C3orf70: variants seen among roughly 807,000 people sequenced by gnomAD.
C3orf70 encodes chromosome 3 open reading frame 70, also known as UPF0524 protein C3orf70.
Under a neutral mutation model 20.7 loss-of-function variants are expected in C3orf70, and 15 were observed. That is an observed-to-expected ratio of 0.72 (90% CI 0.48 to 1.11). The LOEUF is 1.11. C3orf70 is among the 50% of genes most tolerant of loss of function. C3orf70 has a pLI of 0.00. For synonymous variants in C3orf70, 161 were observed against 125.7 expected (o/e 1.28, Z -1.88); for missense variants, 332 against 317.6 (o/e 1.05, Z -0.34).
At chr3:185,095,987 G>A (rs946322440) in intron 1 of C3orf70, among the ~76,000 whole-genome samples, 4 of 151,896 alleles carry the variant, frequency 2.6e-5, no homozygotes, top group East Asian at 1.9e-4. Context: ...CTCCTGCCTC[G>A]GCCTCCCAAA....
intron 1 of C3orf70, among the ~76,000 whole-genome samples, chr3:185,124,986 T>G (rs1716377966): frequency 6.6e-6 from 1 of 152,034 alleles, no homozygotes; most frequent in African/African-American, 2.4e-5. Context: ...AAATTGATAC[T>G]TTTTTTTAAG....
rs747852569 is a variant in C3orf70 at position 185,127,846 on chromosome 3, T to C, written c.196+24782A>G. ...AGTAGATACAACAGCTTTAAAAAAT[T>C]GAGACGTTGAAAAACAACTTTTATG... On this transcript the variant is annotated intron_variant, in intron 1 of 1. Coordinates refer to ENST00000335012, the MANE Select transcript of C3orf70 (RefSeq NM_001025266.3). 1.1e-4 allele frequency among the ~76,000 whole-genome samples: 16 copies of C among 152,058 alleles called. 1 individual carries two copies. Among genetic ancestry groups the C allele is most frequent in the Middle Eastern group, 3.2e-3 (1 of 316 alleles).
intron 1 of C3orf70, among the ~76,000 whole-genome samples, chr3:185,149,801 G>A (rs191263379): frequency 6.6e-6 from 1 of 152,278 alleles, no homozygotes; most frequent in East Asian, 1.9e-4. Context: ...GTGGAGAACC[G>A]GAGGACTGCC....
intron 1 of C3orf70, among the ~76,000 whole-genome samples, chr3:185,109,343 C>A (rs1468614659): frequency 1.3e-5 from 2 of 152,184 alleles, no homozygotes; most frequent in Admixed American, 1.3e-4. Flanking sequence ...GTTATGCTTG[C>A]GTTTCTCCAG....
chr3:185,124,577 T>C (rs1257943988), intron 1 of C3orf70, among the ~76,000 whole-genome samples: 2 of 152,130 alleles, frequency 1.3e-5, no homozygotes, highest in African/African-American at 4.8e-5. Flanking sequence ...ACTTACACTA[T>C]AAAATTTCGA....
intron 1 of C3orf70, among the ~76,000 whole-genome samples, chr3:185,148,044 ATCCT>A (rs918721570): frequency 4.6e-5 from 7 of 152,182 alleles, no homozygotes; most frequent in African/African-American, 7.2e-5. Context: ...CTGCCAGCTT[ATCCT>A]CTTGTACCCA....
intron 1 of C3orf70, among the ~76,000 whole-genome samples, chr3:185,121,350 A>G (rs960462815): frequency 6.0e-5 from 9 of 148,934 alleles, no homozygotes; most frequent in Non-Finnish European, 1.3e-4. Flanking sequence ...CCCAAAATCT[A>G]TGGAAATTAA....
chr3:185,152,935 T>A lies in C3orf70; in HGVS notation c.-112A>T. ...GGGAGGGCGCGGCACGGGCCGGGAG[T>A]CACGCCAGCACGCGGCGGCGGCGGG... On this transcript the variant is annotated 5_prime_UTR_variant, in exon 1 of 2. Transcript: ENST00000335012. 2 of 1,008,714 alleles carry A rather than the reference T, an allele frequency of 2.0e-6. No homozygotes were observed. Among genetic ancestry groups the A allele is most frequent in the Non-Finnish European group, 2.6e-6 (2 of 765,226 alleles). 62.5% of individuals were successfully genotyped at this position (1,008,714 alleles called of 1,614,324 possible).
intron 1 of C3orf70, among the ~76,000 whole-genome samples, chr3:185,092,531 G>A (rs901588163): frequency 6.6e-6 from 1 of 152,170 alleles, no homozygotes; most frequent in East Asian, 1.9e-4. Flanking sequence ...CACTGAGCTA[G>A]GTTCATGGGG....
chr3:185,126,328 C>G (rs1716410581), intron 1 of C3orf70, among the ~76,000 whole-genome samples: 1 of 152,042 alleles, frequency 6.6e-6, no homozygotes, highest in Non-Finnish European at 1.5e-5. Context: ...GGCCTATTTC[C>G]TAGGTAAAAT....
intron 1 of C3orf70, among the ~76,000 whole-genome samples, chr3:185,127,602 G>A (rs1194491201): frequency 6.6e-6 from 1 of 152,040 alleles, no homozygotes; most frequent in Non-Finnish European, 1.5e-5. Context: ...ACCACGCCCA[G>A]CTAATTTTTG....
At chr3:185,088,429 C>CACTGTACT (rs1218894772) in intron 1 of C3orf70, among the ~76,000 whole-genome samples, 1 of 152,146 alleles carries the variant, frequency 6.6e-6, no homozygotes, top group East Asian at 1.9e-4. Context: ...TTGGTTGTGA[C>CACTGTACT]ACTGTACTAC....
At chr3:185,105,951 G>T (rs1715928861) in intron 1 of C3orf70, among the ~76,000 whole-genome samples, 1 of 152,188 alleles carries the variant, frequency 6.6e-6, no homozygotes, top group African/African-American at 2.4e-5. Context: ...CAAAGTAACA[G>T]AAGAGGTTAC....
intron 1 of C3orf70, among the ~76,000 whole-genome samples, chr3:185,092,117 T>C (rs1715604026): frequency 6.6e-6 from 1 of 151,144 alleles, no homozygotes; most frequent in Non-Finnish European, 1.5e-5. Context: ...ATTTTTGAAA[T>C]TGTTTATCTC....
intron 1 of C3orf70, among the ~76,000 whole-genome samples, chr3:185,125,416 AC>A: frequency 6.6e-6 from 1 of 151,822 alleles, no homozygotes; most frequent in Non-Finnish European, 1.5e-5. Flanking sequence ...AACAACAACA[AC>A]AACAACAACA....
intron 1 of C3orf70, among the ~76,000 whole-genome samples, chr3:185,119,004 G>A (rs936698948): frequency 6.6e-6 from 1 of 152,162 alleles, no homozygotes; most frequent in African/African-American, 2.4e-5. Context: ...AGAGGAGTTG[G>A]TTGCTAAGGC....
At chr3:185,090,665 G>A (rs1715547892) in intron 1 of C3orf70, among the ~76,000 whole-genome samples, 1 of 152,100 alleles carries the variant, frequency 6.6e-6, no homozygotes, top group South Asian at 2.1e-4. Flanking sequence ...TGAAAGTAAT[G>A]CTAAATATTC....
At chr3:185,140,883 G>T (rs112931309) in intron 1 of C3orf70, among the ~76,000 whole-genome samples, 2 of 149,764 alleles carry the variant, frequency 1.3e-5, no homozygotes, top group African/African-American at 2.5e-5. Context: ...CAGGAGAATC[G>T]CTTGAACCCA....
At chr3:185,132,367 G>A (rs752013088) in intron 1 of C3orf70, among the ~76,000 whole-genome samples, 9 of 151,454 alleles carry the variant, frequency 5.9e-5, no homozygotes, top group Non-Finnish European at 1.3e-4. Context: ...TAAAAATGAG[G>A]AAGTCTTTTT....
Sources: allele counts gnomAD v4.1 joint callset (sites outside exome capture counted in the v4.1 genomes callset), GRCh38; gene constraint gnomAD v4.1.1; transcripts MANE v1.5; gene names NCBI Gene and HGNC (gene_info 2026-07-23, HGNC 2026-07-21).